The following ZFAT variants were observed in gnomAD, a reference collection of about 807,000 sequenced individuals.
The protein encoded by ZFAT is zinc finger and AT-hook domain containing.
ZFAT carries 64 observed loss-of-function variants against 117.7 expected under a neutral mutation model. The ratio of observed to expected loss-of-function variants is 0.54; its 90% CI spans 0.44 to 0.67. ZFAT has a LOEUF of 0.67. Ranked by LOEUF, ZFAT falls within the 30% of genes least tolerant of loss-of-function variation. The probability of loss-of-function intolerance (pLI) is 0.00; values close to 1 mark genes in which losing one functional copy is unlikely to be tolerated. For synonymous variants in ZFAT, 679 were observed against 615.0 expected (o/e 1.10, Z -1.54); for missense variants, 1,433 against 1,584.5 (o/e 0.90, Z 1.62).
chr8:134,618,012 C>T (rs1026071938), intron 3 of ZFAT, among the ~76,000 whole-genome samples: 2 of 152,036 alleles, frequency 1.3e-5, no homozygotes, highest in African/African-American at 4.8e-5. Flanking sequence ...CAGGGGTTTC[C>T]GCTTTTGCTT....
At chr8:134,508,513 C>G (rs1449353703) in intron 15 of ZFAT, among the ~76,000 whole-genome samples, 2 of 152,202 alleles carry the variant, frequency 1.3e-5, no homozygotes, top group Non-Finnish European at 2.9e-5. Flanking sequence ...ATACACACCT[C>G]TTCCAGGTCT....
chr8:134,518,486 C>T (rs1366814636), intron 13 of ZFAT, among the ~76,000 whole-genome samples: 2 of 152,140 alleles, frequency 1.3e-5, no homozygotes, highest in African/African-American at 4.8e-5. Context: ...GAAATTCCAT[C>T]CAGGGCTAAT....
At chr8:134,627,258 ACTGT>A (rs1282554001) in intron 3 of ZFAT, among the ~76,000 whole-genome samples, 12 of 152,308 alleles carry the variant, frequency 7.9e-5, no homozygotes, top group African/African-American at 2.6e-4. Flanking sequence ...CTGTTGCAAA[ACTGT>A]CTGCATTAGA....
the ZFAT span, among the ~76,000 whole-genome samples, chr8:134,816,691 A>G: frequency 6.6e-6 from 1 of 152,192 alleles, no homozygotes; most frequent in Non-Finnish European, 1.5e-5. Context: ...GAGCTTAAAA[A>G]TGCATACCAC....
At chr8:134,534,610 AAGAGAGGGAGAGAGAGGACAGGGGG>A (rs1821682595) in intron 11 of ZFAT, among the ~76,000 whole-genome samples, 1 of 146,646 alleles carries the variant, frequency 6.8e-6, no homozygotes, top group African/African-American at 2.5e-5. Flanking sequence ...GGAGAGAGGG[AAGAGAGGGAGAGAGAGGACAGGGGG>A]AGAGAGGGAG....
At chr8:134,756,196 C>T in the ZFAT span, among the ~76,000 whole-genome samples, 1 of 152,334 alleles carries the variant, frequency 6.6e-6, no homozygotes, top group Admixed American at 6.5e-5. Flanking sequence ...CTGCTCTAGA[C>T]CTCAACATCC....
intron 1 of ZFAT, among the ~76,000 whole-genome samples, chr8:134,662,772 G>A (rs766924160): frequency 2.0e-4 from 31 of 152,190 alleles, no homozygotes; most frequent in Admixed American, 1.8e-3. Context: ...GGAGGCAAGC[G>A]TACAGAAAGA....
At chr8:134,630,918 C>A (rs1829846309) in intron 3 of ZFAT, among the ~76,000 whole-genome samples, 1 of 152,184 alleles carries the variant, frequency 6.6e-6, no homozygotes, top group African/African-American at 2.4e-5. Flanking sequence ...TGACAGAGCA[C>A]ATATTAAAAC....
the ZFAT span, among the ~76,000 whole-genome samples, chr8:134,759,863 C>A: frequency 1.9e-4 from 28 of 150,646 alleles, no homozygotes; most frequent in Middle Eastern, 3.4e-3. Flanking sequence ...TCCAGCTACT[C>A]GGGAGACTGA....
intron 5 of ZFAT, among the ~76,000 whole-genome samples, chr8:134,604,466 C>T (rs1371963473): frequency 6.6e-6 from 1 of 152,218 alleles, no homozygotes; most frequent in Non-Finnish European, 1.5e-5. Flanking sequence ...CAGCAAATGA[C>T]AGTCACCAAA....
chr8:134,536,284 G>T (rs1476775563), intron 11 of ZFAT, among the ~76,000 whole-genome samples: 1 of 152,172 alleles, frequency 6.6e-6, no homozygotes, highest in Non-Finnish European at 1.5e-5. Flanking sequence ...TTCTTCTGTA[G>T]CCTCTCTAGC....
At chr8:134,593,718 C>A (rs998491993) in intron 7 of ZFAT, among the ~76,000 whole-genome samples, 1 of 152,136 alleles carries the variant, frequency 6.6e-6, no homozygotes, top group East Asian at 1.9e-4. Flanking sequence ...GCGGCAAGTG[C>A]TTTAAAAAAC....
the ZFAT span, among the ~76,000 whole-genome samples, chr8:134,812,252 C>A: frequency 6.6e-6 from 1 of 152,306 alleles, no homozygotes; most frequent in South Asian, 2.1e-4. Flanking sequence ...CAGAGGCAGG[C>A]ACATAGCTAG....
the ZFAT span, among the ~76,000 whole-genome samples, chr8:134,816,163 G>C: frequency 5.3e-5 from 8 of 152,094 alleles, no homozygotes; most frequent in African/African-American, 1.7e-4. Flanking sequence ...TTCCACAGGA[G>C]GTGGATATTA....
intron 3 of ZFAT, among the ~76,000 whole-genome samples, chr8:134,616,593 T>C (rs1454657786): frequency 6.6e-6 from 1 of 152,222 alleles, no homozygotes; most frequent in East Asian, 1.9e-4. Context: ...GCTGACTTTT[T>C]CAACTTTTCT....
At chr8:134,824,357 C>T in the ZFAT span, among the ~76,000 whole-genome samples, 1 of 152,022 alleles carries the variant, frequency 6.6e-6, no homozygotes, top group Non-Finnish European at 1.5e-5. Context: ...GTCGTAATAA[C>T]AATAAAAAAA....
At chr8:134,626,107 A>G (rs534833419) in intron 3 of ZFAT, among the ~76,000 whole-genome samples, 3 of 152,326 alleles carry the variant, frequency 2.0e-5, no homozygotes, top group Admixed American at 2.0e-4. Context: ...AAAGGCCCTG[A>G]GTACCCTTTG....
intron 13 of ZFAT, among the ~76,000 whole-genome samples, chr8:134,518,346 T>C (rs977489627): frequency 2.0e-5 from 3 of 152,202 alleles, no homozygotes; most frequent in Admixed American, 2.0e-4. Flanking sequence ...TTTTGTTACA[T>C]ATTGCTATTC....
At position 134,567,780 on chromosome 8, in the gene ZFAT, G is replaced by C. The variant is rs1824580396; in HGVS notation, c.2888-2359C>G. On this transcript the variant is annotated intron_variant, in intron 10 of 15. Coordinates refer to ENST00000377838, the MANE Select transcript of ZFAT (RefSeq NM_020863.4). ...ACTCCTTGAGTTCTCCAAACTTTCT[G>C]CTTTGCCTTTGCAATCTCAGACCCC... 1.4e-5 allele frequency among the ~76,000 whole-genome samples: 2 copies of C among 144,234 alleles called. 1 individual carries two copies. Among genetic ancestry groups the C allele is most frequent in the Admixed American group, 1.5e-4 (2 of 13,386 alleles). The allele number at this position is 144,234 out of a possible 152,430, so 94.6% of individuals were successfully genotyped here. A position where few individuals can be genotyped will look rare whatever the true frequency, so the allele number is the denominator to read the frequency against.
Sources: allele counts gnomAD v4.1 joint callset (sites outside exome capture counted in the v4.1 genomes callset), GRCh38; gene constraint gnomAD v4.1.1; transcripts MANE v1.5; gene names NCBI Gene and HGNC (gene_info 2026-07-23, HGNC 2026-07-21).